SCAMP1: variants seen among roughly 807,000 people sequenced by gnomAD.
SCAMP1 encodes the protein secretory carrier-associated membrane protein 1.
Under a neutral mutation model 41.8 loss-of-function variants are expected in SCAMP1, and 15 were observed. The observed-to-expected ratio is 0.36, with a 90% CI of 0.24 to 0.55. SCAMP1 has a LOEUF of 0.55. Among genes scored for constraint, SCAMP1 ranks in the 20% least tolerant of loss-of-function variants. The pLI is 0.86. For missense variants in SCAMP1, 341 were observed against 412.6 expected, an observed-to-expected ratio of 0.83 and a Z score of 1.50; for synonymous variants, 135 against 136.8, an observed-to-expected ratio of 0.99 and a Z score of 0.09.
At position 78,365,174 on chromosome 5, in the gene SCAMP1, T is replaced by G. The variant is rs1417969453; in HGVS notation, c.57+4446T>G. 3.9e-5 allele frequency among the ~76,000 whole-genome samples: 6 copies of G among 152,198 alleles called. No individual in the cohort carries two copies. The East Asian group carries it at 1.2e-3, about 29-fold the overall frequency. On this transcript the variant is annotated intron_variant, in intron 1 of 8. Coordinates refer to ENST00000621999, the MANE Select transcript of SCAMP1 (RefSeq NM_004866.6). ...ACTAATATTTAGTATTAATAGTAAT[T>G]TAAGAAATTCTGTTTAATGGCCAGG...
chr5:78,425,471 A>G (rs569806695), intron 6 of SCAMP1, among the ~76,000 whole-genome samples: 1 of 152,296 alleles, frequency 6.6e-6, no homozygotes, highest in Non-Finnish European at 1.5e-5. Context: ...TTGTACTCCC[A>G]AACCTTTTTT....
rs1416053119 is a variant in SCAMP1 at position 78,455,781 on chromosome 5, G to T, written c.735-3464G>T. Among the ~76,000 whole-genome samples, 55 of 132,110 alleles carry T rather than the reference G, an allele frequency of 4.2e-4. 1 individual carries two copies. The highest frequency in any genetic ancestry group is 1.5e-3 in the African/African-American group (50 of 34,008). The allele number at this position is 132,110 out of a possible 152,430, so 86.7% of individuals were successfully genotyped here. Reference sequence around the variant, plus strand: ...GTTGATCTGTCTAATGTTGACAGTGGGGTGTTAAAGTCTCCCATTATTAAT... The same window carrying T: ...GTTGATCTGTCTAATGTTGACAGTGTGGTGTTAAAGTCTCCCATTATTAAT... On this transcript the variant is annotated intron_variant, in intron 7 of 8. Transcript: ENST00000621999.
chr5:78,366,238 G>T (rs1750793424), intron 1 of SCAMP1, among the ~76,000 whole-genome samples: 1 of 151,686 alleles, frequency 6.6e-6, no homozygotes, highest in Non-Finnish European at 1.5e-5. Flanking sequence ...CCATCTCCTG[G>T]GTTCAAGCGA....
intron 7 of SCAMP1, among the ~76,000 whole-genome samples, chr5:78,457,531 A>C (rs1753449362): frequency 6.6e-6 from 1 of 152,158 alleles, no homozygotes; most frequent in Non-Finnish European, 1.5e-5. Context: ...TTGAGGAGGC[A>C]GTCTGCCCGT....
intron 6 of SCAMP1, among the ~76,000 whole-genome samples, chr5:78,443,011 C>T (rs1752964369): frequency 6.6e-6 from 1 of 152,072 alleles, no homozygotes; most frequent in South Asian, 2.1e-4. Context: ...TCGAGACCAT[C>T]TTGGCTAACA....
At chr5:78,466,936 G>A (rs1187561581) in intron 8 of SCAMP1, among the ~76,000 whole-genome samples, 1 of 152,126 alleles carries the variant, frequency 6.6e-6, no homozygotes, top group Non-Finnish European at 1.5e-5. Flanking sequence ...AACTGGGCCT[G>A]GAAGTAGGGG....
At chr5:78,406,210 G>C (rs144529213) in intron 2 of SCAMP1, among the ~76,000 whole-genome samples, 2 of 152,192 alleles carry the variant, frequency 1.3e-5, no homozygotes, top group Non-Finnish European at 2.9e-5. Flanking sequence ...TTTGTTAAAA[G>C]TACAAATTCT....
intron 2 of SCAMP1, among the ~76,000 whole-genome samples, chr5:78,406,961 A>G (rs760624397): frequency 2.6e-5 from 4 of 152,068 alleles, no homozygotes; most frequent in Non-Finnish European, 5.9e-5. Context: ...CAGTACTTCA[A>G]GTTTTTCCCA....
intron 8 of SCAMP1, among the ~76,000 whole-genome samples, chr5:78,463,039 T>C (rs896134726): frequency 6.6e-6 from 1 of 152,202 alleles, no homozygotes; most frequent in African/African-American, 2.4e-5. Context: ...ACTCTTTCAG[T>C]ACTTTACTCA....
chr5:78,466,481 G>A (rs1030254181), intron 8 of SCAMP1, among the ~76,000 whole-genome samples: 1 of 152,192 alleles, frequency 6.6e-6, no homozygotes, highest in Non-Finnish European at 1.5e-5. Context: ...GGAGGTACCA[G>A]AGAGTGGGGA....
intron 2 of SCAMP1, among the ~76,000 whole-genome samples, chr5:78,397,979 A>ACATTC (rs1474882549): frequency 1.3e-5 from 2 of 152,222 alleles, no homozygotes; most frequent in East Asian, 3.8e-4. Flanking sequence ...GAGAATTGGA[A>ACATTC]CCTTCACACA....
chr5:78,386,111 C>T lies in SCAMP1; in HGVS notation c.58-2726C>T, dbSNP rs573162993. On this transcript the variant is annotated intron_variant, in intron 1 of 8. Coordinates refer to ENST00000621999, the MANE Select transcript of SCAMP1 (RefSeq NM_004866.6). ...ATCTCATTTCTTAGGTCTAGTAGTA[C>T]TTGTTTTATAAATTTGGGACCTCCA... 2.0e-4 allele frequency among the ~76,000 whole-genome samples: 30 copies of T among 152,122 alleles called. No homozygotes were observed. In the South Asian group the frequency reaches 3.7e-3, roughly 19 times the overall value.
intron 1 of SCAMP1, among the ~76,000 whole-genome samples, chr5:78,373,643 C>CT (rs1403402356): frequency 1.1e-4 from 16 of 152,078 alleles, no homozygotes. Flanking sequence ...GGCATATTAT[C>CT]TTTTTTTGAC....
chr5:78,430,522 G>A (rs897786787), intron 6 of SCAMP1, among the ~76,000 whole-genome samples: 7 of 151,216 alleles, frequency 4.6e-5, no homozygotes, highest in South Asian at 2.1e-4. Context: ...TTCCCAAAGC[G>A]AAGTCTCAAA....
intron 6 of SCAMP1, among the ~76,000 whole-genome samples, chr5:78,442,926 G>C (rs116756618): frequency 0.019 from 2,960 of 152,232 alleles, 87 homozygotes; most frequent in African/African-American, 0.061. Flanking sequence ...TTAGCTTAAG[G>C]CTGGGTGCCA....
intron 8 of SCAMP1, among the ~76,000 whole-genome samples, chr5:78,474,141 A>T (rs983431582): frequency 6.6e-6 from 1 of 152,002 alleles, no homozygotes; most frequent in Non-Finnish European, 1.5e-5. Context: ...GTGTGCCACC[A>T]CACTGGGCCT....
chr5:78,414,099 G>A (rs1429681779), intron 2 of SCAMP1, among the ~76,000 whole-genome samples: 1 of 151,366 alleles, frequency 6.6e-6, no homozygotes, highest in African/African-American at 2.4e-5. Context: ...TATGGTGCAT[G>A]TGTCGAGGGA....
intron 2 of SCAMP1, among the ~76,000 whole-genome samples, chr5:78,390,662 T>C (rs140697237): frequency 4.2e-4 from 63 of 151,630 alleles, no homozygotes; most frequent in South Asian, 1.7e-3. Flanking sequence ...TTTTTCTTTT[T>C]TTTTTTTTTA....
chr5:78,434,850 T>C (rs1341240528), intron 6 of SCAMP1, among the ~76,000 whole-genome samples: 1 of 152,178 alleles, frequency 6.6e-6, no homozygotes, highest in Non-Finnish European at 1.5e-5. Flanking sequence ...ATAATAAGTA[T>C]AAAAATAACA....
Sources: gnomAD v4.1 joint callset for allele counts (sites outside exome capture counted in the v4.1 genomes callset) on GRCh38, gnomAD v4.1.1 for gene constraint, MANE v1.5 for transcripts, NCBI Gene and HGNC (gene_info 2026-07-23, HGNC 2026-07-21) for gene names.